ZNF611: variants seen among roughly 807,000 people sequenced by gnomAD.
ZNF611 encodes the protein zinc finger protein 611.
ZNF611 carries 6 observed loss-of-function variants against 8.9 expected under a neutral mutation model. The ratio of observed to expected loss-of-function variants is 0.68; its 90% CI spans 0.37 to 1.34. ZNF611 has a LOEUF of 1.34. Ranked by LOEUF, ZNF611 falls within the 40% of genes most tolerant of loss-of-function variation. The pLI is 0.02. For missense variants in ZNF611, 874 were observed against 841.3 expected (o/e 1.04, Z -0.48); for synonymous variants, 262 against 279.7 (o/e 0.94, Z 0.63).
intron 4 of ZNF611, among the ~76,000 whole-genome samples, chr19:52,714,464 G>C (rs2062301486): frequency 6.6e-6 from 1 of 152,002 alleles, no homozygotes; most frequent in Admixed American, 6.6e-5. Flanking sequence ...AAGGCGGGCA[G>C]ATTATTTGCG....
chr19:52,734,763 C>T (rs1040177197), intron 1 of ZNF611, among the ~76,000 whole-genome samples: 2 of 151,798 alleles, frequency 1.3e-5, no homozygotes, highest in African/African-American at 4.8e-5. Context: ...AGGAAAACTA[C>T]GCAACAGAAA....
chr19:52,734,129 CATCT>C (rs55684763), intron 1 of ZNF611, among the ~76,000 whole-genome samples: 99,543 of 148,940 alleles, frequency 0.67, 33,659 homozygotes, highest in African/African-American at 0.76. Context: ...TCTCTCTGTA[CATCT>C]ATCTAGCCTT....
intron 3 of ZNF611, among the ~76,000 whole-genome samples, chr19:52,724,958 T>C (rs969269546): frequency 6.6e-6 from 1 of 152,184 alleles, no homozygotes; most frequent in African/African-American, 2.4e-5. Context: ...TTGGCAAATT[T>C]CTCACCCATC....
rs199681737 is a variant in ZNF611 at position 52,710,921 on chromosome 19, GGGATTAT to G, written c.190+3087_190+3093del. Among the ~76,000 whole-genome samples the G allele has an allele frequency of 5.7e-4, 7 of 12,234 alleles. No individual in the cohort carries two copies. The East Asian group carries it at 6.1e-3, about 11-fold the overall frequency. The allele number at this position is 12,234 out of a possible 152,430, so 8.0% of individuals were successfully genotyped here. A position where few individuals can be genotyped will look rare whatever the true frequency, so the allele number is the denominator to read the frequency against. Reference sequence around the variant, plus strand: ...ACCAGGCATAATCCCAGCTACTTGGGGGATTATGTCCTGAGGCAGGACAATCACTTGA... The same window carrying G: ...ACCAGGCATAATCCCAGCTACTTGGGGTCCTGAGGCAGGACAATCACTTGA... On this transcript the variant is annotated intron_variant, in intron 5 of 5. Transcript: ENST00000652185.
chr19:52,704,483 A>C lies in ZNF611; in HGVS notation c.*454T>G, dbSNP rs1473037613. 1 of 858,434 alleles carries C rather than the reference A, an allele frequency of 1.2e-6. No individual in the cohort carries two copies. The allele number at this position is 858,434 out of a possible 1,614,324, so 53.2% of individuals were successfully genotyped here. ...ATTCTCCTATGTTTTGCATAGGATG[A>C]AGCTTGACTGAAGACCTTGGCACAG... is the stretch of plus-strand genomic sequence containing the variant. On this transcript the variant is annotated 3_prime_UTR_variant, in exon 6 of 6. Transcript: ENST00000652185.
intron 5 of ZNF611, among the ~76,000 whole-genome samples, chr19:52,712,444 C>T (rs1335243145): frequency 2.1e-5 from 2 of 97,306 alleles, no homozygotes; most frequent in Non-Finnish European, 3.7e-5. Context: ...CATGGTGAAA[C>T]ACTGTCTCTA....
intron 1 of ZNF611, among the ~76,000 whole-genome samples, chr19:52,733,701 C>T (rs2062439450): frequency 6.6e-6 from 1 of 151,836 alleles, no homozygotes; most frequent in Non-Finnish European, 1.5e-5. Flanking sequence ...TTTTCTTTTT[C>T]CCTGGGATTC....
At chr19:52,713,861 A>T (rs548218413) in intron 5 of ZNF611, among the ~76,000 whole-genome samples, 154 bp downstream of exon 5, 1 of 152,298 alleles carries the variant, frequency 6.6e-6, no homozygotes, top group African/African-American at 2.4e-5. Flanking sequence ...ATTGCACTCC[A>T]GCCTCGGCAA....
intron 5 of ZNF611, among the ~76,000 whole-genome samples, chr19:52,712,082 T>C (rs911118681): frequency 1.3e-5 from 2 of 152,004 alleles, no homozygotes; most frequent in South Asian, 2.1e-4. Context: ...ATGAAAGAGA[T>C]CCAACAATGC....
At position 52,705,603 on chromosome 19, in the gene ZNF611, A is replaced by G. The variant is rs2062235889; in HGVS notation, c.1452T>C (p.Cys484=). ...RIDCGEKPYK[C]NECGKTFGQN... is the part of the protein sequence containing the mutation. ...GACCAAAGGTCTTCCCACATTCATT[A>G]CACTTGTAAGGTTTTTCTCCACAGT... The change falls in exon 6 of 6, where the codon TGT becomes TGC. Residue 484 remains cysteine, a synonymous_variant. Transcript: ENST00000652185. 1 of 1,613,986 alleles carries G rather than the reference A, an allele frequency of 6.2e-7. No homozygotes were observed. Among genetic ancestry groups the G allele is most frequent in the Non-Finnish European group, 8.5e-7 (1 of 1,180,020 alleles).
intron 3 of ZNF611, among the ~76,000 whole-genome samples, chr19:52,721,538 G>A (rs1389979089): frequency 1.4e-4 from 22 of 152,212 alleles, no homozygotes; most frequent in Admixed American, 1.4e-3. Flanking sequence ...AACCAGTCAG[G>A]CTTGGTGGCT....
At chr19:52,711,237 C>A (rs1024586924) in intron 5 of ZNF611, 3 of 152,042 alleles carry the variant, frequency 2.0e-5, no homozygotes, top group Admixed American at 6.6e-5. Flanking sequence ...GAGGCTGAGG[C>A]AGGAGAACCA....
intron 3 of ZNF611, among the ~76,000 whole-genome samples, chr19:52,716,997 C>A (rs1459545903): frequency 6.6e-6 from 1 of 151,818 alleles, no homozygotes; most frequent in Non-Finnish European, 1.5e-5. Flanking sequence ...TGTGCCACTG[C>A]ACTCCAGCCT....
chr19:52,704,820 A>C lies in ZNF611; in HGVS notation c.*117T>G, dbSNP rs187144718. 18 of 1,601,176 alleles carry C rather than the reference A, an allele frequency of 1.1e-5. No individual in the cohort carries two copies. Among genetic ancestry groups the C allele is most frequent in the East Asian group, 2.2e-5 (1 of 44,678 alleles). ...GTCCAGTATGTTGTTCCAGGTGTGA[A>C]TCACTCCCAAGTCTTGTCAGAAACC... On this transcript the variant is annotated 3_prime_UTR_variant, in exon 6 of 6. Coordinates refer to ENST00000652185, the MANE Select transcript of ZNF611 (RefSeq NM_001161499.2).
At chr19:52,720,062 C>T (rs576577302) in intron 3 of ZNF611, among the ~76,000 whole-genome samples, 3 of 151,874 alleles carry the variant, frequency 2.0e-5, no homozygotes, top group South Asian at 2.1e-4. Context: ...TGACACAGCA[C>T]GTTTCAGAGA....
At chr19:52,719,215 A>C (rs141427631) in intron 3 of ZNF611, among the ~76,000 whole-genome samples, 1 of 152,198 alleles carries the variant, frequency 6.6e-6, no homozygotes, top group Non-Finnish European at 1.5e-5. Flanking sequence ...AACCAACCAC[A>C]TGAATGAAAT....
chr19:52,715,586 T>A (rs968036106), intron 4 of ZNF611, among the ~76,000 whole-genome samples: 1 of 152,166 alleles, frequency 6.6e-6, no homozygotes, highest in African/African-American at 2.4e-5. Flanking sequence ...CACCCCATGT[T>A]TATCCATGTC....
Position 52,729,231 on chromosome 19 carries a change from T to C in ZNF611, c.-121-400A>G, listed in dbSNP as rs148583989. ...ATAAATGCTAAAGGACCACAAAATA[T>C]ACTATACTGGTAAATAATCCACAAC... On this transcript the variant is annotated intron_variant, in intron 2 of 5. Transcript: ENST00000652185. 6.1e-3 allele frequency among the ~76,000 whole-genome samples: 926 copies of C among 152,186 alleles called. 8 individuals carry two copies. The highest frequency in any genetic ancestry group is 0.021 in the African/African-American group (861 of 41,542).
chr19:52,717,883 A>G (rs982757369), intron 3 of ZNF611, among the ~76,000 whole-genome samples: 6 of 152,256 alleles, frequency 3.9e-5, no homozygotes, highest in Non-Finnish European at 7.3e-5. Flanking sequence ...CTAAAATTAT[A>G]TATCACGTAG....
Sources: allele counts gnomAD v4.1 joint callset (sites outside exome capture counted in the v4.1 genomes callset), GRCh38; gene constraint gnomAD v4.1.1; transcripts MANE v1.5; gene names NCBI Gene and HGNC (gene_info 2026-07-23, HGNC 2026-07-21).